Variants in PXDN observed in about 807,000 individuals in gnomAD.
The protein encoded by PXDN is peroxidasin, also known as peroxidasin homolog.
Under a neutral mutation model 140.3 loss-of-function variants are expected in PXDN, and 77 were observed. That is an observed-to-expected ratio of 0.55 (90% confidence interval 0.46 to 0.66). PXDN has a LOEUF of 0.66. PXDN is among the 30% of genes least tolerant of loss of function. The probability of loss-of-function intolerance (pLI) is 0.00; values close to 1 mark genes in which losing one functional copy is unlikely to be tolerated. For synonymous variants in PXDN, 911 were observed against 857.4 expected, an observed-to-expected ratio of 1.06 and a Z score of -1.09; for missense variants, 1,838 against 2,039.5, an observed-to-expected ratio of 0.90 and a Z score of 1.90.
rs368858066 is a variant in PXDN at position 1,666,172 on chromosome 2, T to C, written c.1291+42A>G. 1.1e-5 allele frequency: 18 copies of C among 1,603,782 alleles called. No individual in the cohort carries two copies. The African/African-American group carries it at 2.3e-4, about 20-fold the overall frequency. ...GCGCGAGCTAGTGGAGGGGTGAGGA[T>C]GGGGCTGAGCCCTGGCTCTGGCACA... On this transcript the variant is annotated intron_variant, in intron 10 of 22. Transcript: ENST00000252804.
Position 1,643,414 on chromosome 2 carries a change from G to A in PXDN, c.3906C>T (p.Asp1302=), listed in dbSNP as rs111450110. The stretch of plus-strand genomic sequence containing the variant: ...CCCGGAGGTCTACCCTGGGGATCTC[G>A]TCACAGCTGCCGTAGCCGTGAGGGA... ...AEFPHGYGSC[D]EIPRVDLRVW... The change falls in exon 19 of 23, where the codon GAC becomes GAT. Residue 1302 remains aspartate, a synonymous_variant. Coordinates refer to ENST00000252804, the MANE Select transcript of PXDN (RefSeq NM_012293.3). The A allele has an allele frequency of 2.1e-3, 3,378 of 1,613,906 alleles. 64 individuals carry two copies. In the African/African-American group the frequency reaches 0.039, roughly 19 times the overall value.
At chr2:1,674,898 C>G (rs1683660447) in intron 8 of PXDN, among the ~76,000 whole-genome samples, 1 of 152,182 alleles carries the variant, frequency 6.6e-6, no homozygotes, top group Non-Finnish European at 1.5e-5. Context: ...CAGCCTGGAC[C>G]AAGCTGGGTC....
chr2:1,675,723 A>T (rs192592248), intron 8 of PXDN, among the ~76,000 whole-genome samples: 81 of 149,218 alleles, frequency 5.4e-4, no homozygotes, highest in Middle Eastern at 6.9e-3. Flanking sequence ...ACCTTGCCCG[A>T]GAGCCAAGCC....
rs146723188 is a variant in PXDN, at chr2:1,725,287, A to G, written c.200+18969T>C. 1.1e-3 allele frequency among the ~76,000 whole-genome samples: 168 copies of G among 152,328 alleles called. 4 individuals are homozygous for G. The East Asian group carries it at 0.028, about 25-fold the overall frequency. On this transcript the variant is annotated intron_variant, in intron 1 of 22. Coordinates refer to ENST00000252804, the MANE Select transcript of PXDN (RefSeq NM_012293.3). ...TTAGGATTTTCTATATATAGGAATGAACAGAGGCAGGCAGCAAAAGCAAAA... is the reference window on the plus strand; with the variant it reads ...TTAGGATTTTCTATATATAGGAATGGACAGAGGCAGGCAGCAAAAGCAAAA...
At position 1,639,996 on chromosome 2, in the gene PXDN, C is replaced by A. The variant is rs1374644878; in HGVS notation, c.3953-574G>T. On this transcript the variant is annotated intron_variant, in intron 19 of 22. Transcript: ENST00000252804. This position sits in a 1 kb window ranked among gnomAD's most constrained non-coding sequence, Gnocchi z 5.0. ...CCCTCAGTGCTATGCCTCACCTGAG[C>A]CCCGGGTGAGTGAGGGGCCCTCAGT... Among the ~76,000 whole-genome samples the A allele has an allele frequency of 1.3e-5, 2 of 152,196 alleles. No homozygotes were observed. Among genetic ancestry groups the A allele is most frequent in the East Asian group, 3.9e-4 (2 of 5,174 alleles).
At chr2:1,689,031 C>T (rs551743498) in intron 3 of PXDN, among the ~76,000 whole-genome samples, 5 of 152,108 alleles carry the variant, frequency 3.3e-5, no homozygotes, top group Non-Finnish European at 7.3e-5. Context: ...AGCCTTAACA[C>T]GAACCACCCA....
intron 1 of PXDN, among the ~76,000 whole-genome samples, chr2:1,724,859 T>C (rs1238581932): frequency 6.6e-6 from 1 of 152,242 alleles, no homozygotes; most frequent in Non-Finnish European, 1.5e-5. Flanking sequence ...TGTGGTTCCA[T>C]GCAAATTTTA....
chr2:1,698,074 C>G lies in PXDN; in HGVS notation c.201-4940G>C, dbSNP rs186561755. Among the ~76,000 whole-genome samples, 361 of 152,320 alleles carry G rather than the reference C, an allele frequency of 2.4e-3. 8 individuals are homozygous for G. Among genetic ancestry groups the G allele is most frequent in the Admixed American group, 0.02 (308 of 15,310 alleles). On this transcript the variant is annotated intron_variant, in intron 1 of 22. Transcript: ENST00000252804. ...AGACTGCGATAAAAACGCCACACCC[C>G]TGCCTGGGTAAGCGTGAGGGGTGCA...
Position 1,680,312 on chromosome 2 carries a change from G to C in PXDN, c.611C>G (p.Ala204Gly). 1 of 1,614,000 alleles carries C rather than the reference G, an allele frequency of 6.2e-7. No homozygotes were observed. The highest frequency in any genetic ancestry group is 8.5e-7 in the Non-Finnish European group (1 of 1,179,878). The change falls in exon 7 of 23, where the codon GCG becomes GGG. Residue 204 changes from alanine to glycine, a missense_variant. This residue lies in a region of PXDN where 208 missense variants were observed against 325.8 expected (regional missense o/e 0.64). Transcript: ENST00000252804. ...LHCDCEILWL[A>G]DLLKTYAESG... is the part of the protein sequence containing the mutation. ...CTCCGCGTAGGTTTTCAGCAAATCC[G>C]CCAACCACAGGATTTCACAGTCGCA...
chr2:1,664,869 C>T (rs921162425), intron 11 of PXDN, 89 bp downstream of exon 11: 12 of 1,152,180 alleles, frequency 1.0e-5, no homozygotes, highest in Admixed American at 8.3e-5. Context: ...GTCCAGAACA[C>T]GCTGGGGTTG....
chr2:1,720,718 TCTCTCTCACACACACA>T (rs1391005032), intron 1 of PXDN, among the ~76,000 whole-genome samples: 4 of 140,190 alleles, frequency 2.9e-5, no homozygotes, highest in Non-Finnish European at 6.0e-5. Flanking sequence ...TCTCTCTCTC[TCTCTCTCACACACACA>T]CACACACACA....
intron 1 of PXDN, among the ~76,000 whole-genome samples, chr2:1,719,190 C>T (rs367968539): frequency 6.6e-6 from 1 of 152,200 alleles, no homozygotes; most frequent in East Asian, 1.9e-4. Context: ...CCTTCTCACA[C>T]CACCTGCTCC....
Position 1,685,706 on chromosome 2 carries a change from G to T in PXDN, c.417-1555C>A, listed in dbSNP as rs535107605. ...TGCAATGCAGGTTGGCCAGGGGGAC[G>T]GCTGAGTGGGTGGGACTTGGCACCT... On this transcript the variant is annotated intron_variant, in intron 4 of 22. Coordinates refer to ENST00000252804, the MANE Select transcript of PXDN (RefSeq NM_012293.3). This position sits in a 1 kb window ranked among gnomAD's most constrained non-coding sequence, Gnocchi z 5.1. Among the ~76,000 whole-genome samples the T allele has an allele frequency of 6.7e-6, 1 of 150,270 alleles. No homozygotes were observed. The highest frequency in any genetic ancestry group is 1.5e-5 in the Non-Finnish European group (1 of 67,760).
At chr2:1,668,282 C>T (rs1683492440) in intron 9 of PXDN, among the ~76,000 whole-genome samples, 1 of 152,190 alleles carries the variant, frequency 6.6e-6, no homozygotes, top group South Asian at 2.1e-4. Context: ...CTTCCTTACA[C>T]CTTATACAAA....
At chr2:1,720,902 G>A (rs1170204892) in intron 1 of PXDN, among the ~76,000 whole-genome samples, 3 of 151,366 alleles carry the variant, frequency 2.0e-5, no homozygotes, top group Admixed American at 1.3e-4. Context: ...CATGCTGGCC[G>A]CTTACTGATG....
intron 1 of PXDN, among the ~76,000 whole-genome samples, chr2:1,697,909 T>C (rs1319089112): frequency 1.3e-5 from 2 of 152,206 alleles, no homozygotes; most frequent in Admixed American, 6.5e-5. Context: ...ATGATGAGCA[T>C]GGAGACAGAT....
chr2:1,683,874 G>T lies in PXDN; in HGVS notation c.489-147C>A, dbSNP rs76825495. On this transcript the variant is annotated intron_variant, in intron 5 of 22. Transcript: ENST00000252804. ...AATACAAATGAATCTGAAAACAAAA[G>T]AAATGGTTTTTTTTTCCTGTTTTAT... 11,617 of 908,296 alleles carry T rather than the reference G, an allele frequency of 0.013. 480 individuals carry two copies. The East Asian group carries it at 0.14, about 11-fold the overall frequency. The allele number at this position is 908,296 out of a possible 1,614,324, so 56.3% of individuals were successfully genotyped here. A position where few individuals can be genotyped will look rare whatever the true frequency, so the allele number is the denominator to read the frequency against.
chr2:1,724,367 T>C (rs1039950046), intron 1 of PXDN, among the ~76,000 whole-genome samples: 3 of 140,984 alleles, frequency 2.1e-5, no homozygotes, highest in East Asian at 4.5e-4. Flanking sequence ...ACACAGAAAA[T>C]ATCCTTTTTA....
chr2:1,667,157 AG>A lies in PXDN; in HGVS notation c.1019-672del, dbSNP rs540380470. Among the ~76,000 whole-genome samples, 31 of 152,296 alleles carry A rather than the reference AG, an allele frequency of 2.0e-4. 1 individual carries two copies. In the South Asian group the frequency reaches 5.8e-3, roughly 29 times the overall value. ...GCCAGCAGAAGACAAGAAATAACTAAGATTAGAGCATAACTGAAGGAGACAG... is the reference window on the plus strand; with the variant it reads ...GCCAGCAGAAGACAAGAAATAACTAAATTAGAGCATAACTGAAGGAGACAG... On this transcript the variant is annotated intron_variant, in intron 9 of 22. Transcript: ENST00000252804.
Sources: allele counts gnomAD v4.1 joint callset (sites outside exome capture counted in the v4.1 genomes callset), GRCh38; gene constraint gnomAD v4.1.1; regional missense constraint gnomAD v4.1.1; non-coding constraint Gnocchi (gnomAD v3.1); transcripts MANE v1.5; gene names NCBI Gene and HGNC (gene_info 2026-07-23, HGNC 2026-07-21).